The following EYS variants were observed in gnomAD, a reference collection of about 807,000 sequenced individuals.
EYS encodes EGF-like photoreceptor maintenance factor, also known as protein eyes shut homolog.
A neutral mutation model predicts 282.1 loss-of-function variants in EYS; 250 were observed. The observed-to-expected ratio is 0.89, with a 90% confidence interval of 0.80 to 0.98. EYS has a LOEUF of 0.98. Among genes scored for constraint, EYS ranks in the 50% least tolerant of loss-of-function variants. The pLI, the probability that EYS is intolerant of heterozygous loss-of-function variation, is 0.00. For missense variants in EYS, 4,016 were observed against 3,709.0 expected, an observed-to-expected ratio of 1.08 and a Z score of -2.15; for synonymous variants, 1,355 against 1,282.9, an observed-to-expected ratio of 1.06 and a Z score of -1.20.
At chr6:64,624,779 T>C (rs533418303) in intron 23 of EYS, among the ~76,000 whole-genome samples, 45 of 152,288 alleles carry the variant, frequency 3.0e-4, no homozygotes, top group Non-Finnish European at 4.4e-4. Flanking sequence ...ATGGCTATTA[T>C]TTCCGTGGTG....
chr6:64,384,011 G>A (rs2150421603), intron 29 of EYS, among the ~76,000 whole-genome samples: 1 of 152,234 alleles, frequency 6.6e-6, no homozygotes, highest in African/African-American at 2.4e-5. Flanking sequence ...GATAACTGAA[G>A]TGGTTTCTTT....
chr6:63,885,397 A>T (rs759277925), intron 35 of EYS, among the ~76,000 whole-genome samples: 1 of 151,836 alleles, frequency 6.6e-6, no homozygotes, highest in Admixed American at 6.6e-5. Flanking sequence ...TAATTTAAGG[A>T]CTCTTCCAGT....
chr6:64,132,490 C>T (rs891740994), intron 31 of EYS, among the ~76,000 whole-genome samples: 1 of 151,834 alleles, frequency 6.6e-6, no homozygotes, highest in African/African-American at 2.4e-5. Context: ...TGCAAGAGTT[C>T]ATGTGTGCCT....
chr6:64,474,120 A>T (rs1026228645), intron 26 of EYS, among the ~76,000 whole-genome samples: 3 of 152,058 alleles, frequency 2.0e-5, no homozygotes. Context: ...CTTATTTCTA[A>T]CTTTCTCCTC....
Position 64,453,451 on chromosome 6 carries a change from A to G in EYS, c.5645-14099T>C, listed in dbSNP as rs184071262. The stretch of plus-strand genomic sequence containing the variant: ...AACCATTGTGGAAGTCAGTGTGGCG[A>G]TTCCTCAGGGATCTAGAACTGGAAA... On this transcript the variant is annotated intron_variant, in intron 26 of 42. Transcript: ENST00000503581. Among the ~76,000 whole-genome samples the G allele has an allele frequency of 7.5e-4, 114 of 152,306 alleles. 1 individual carries two copies. Among genetic ancestry groups the G allele is most frequent in the African/African-American group, 2.5e-3 (102 of 41,564 alleles).
chr6:64,852,288 G>A (rs1007715467), intron 19 of EYS, among the ~76,000 whole-genome samples: 2 of 152,228 alleles, frequency 1.3e-5, no homozygotes, highest in South Asian at 4.2e-4. Context: ...ATCTGGGTGG[G>A]GACCATGTAA....
intron 22 of EYS, among the ~76,000 whole-genome samples, chr6:64,680,659 A>G (rs886314934): frequency 6.6e-6 from 1 of 152,084 alleles, no homozygotes; most frequent in Non-Finnish European, 1.5e-5. Context: ...TCTACACCCA[A>G]CCCCAACTCA....
At chr6:63,734,699 G>A (rs985908328) in intron 41 of EYS, among the ~76,000 whole-genome samples, 10 of 152,208 alleles carry the variant, frequency 6.6e-5, no homozygotes, top group Admixed American at 6.6e-4. Flanking sequence ...GGATAATGTT[G>A]TCATTAACTG....
intron 5 of EYS, among the ~76,000 whole-genome samples, chr6:65,437,766 C>A (rs1026422161): frequency 1.6e-4 from 24 of 152,190 alleles, no homozygotes; most frequent in Non-Finnish European, 2.4e-4. Flanking sequence ...TTTATGCAAA[C>A]GTTTGATAAA....
intron 13 of EYS, among the ~76,000 whole-genome samples, chr6:65,057,053 TAGAA>T (rs1030134083): frequency 1.3e-5 from 2 of 151,868 alleles, no homozygotes; most frequent in African/African-American, 2.4e-5. Flanking sequence ...TTTCTTAGCT[TAGAA>T]AGAGATACTA....
intron 13 of EYS, among the ~76,000 whole-genome samples, chr6:65,011,848 C>T (rs777729187): frequency 9.2e-5 from 14 of 152,230 alleles, no homozygotes; most frequent in Non-Finnish European, 7.4e-5. Context: ...GAGAGCACAG[C>T]GGGAGGGACA....
At chr6:64,598,127 T>C (rs1013249171) in intron 24 of EYS, among the ~76,000 whole-genome samples, 2 of 152,050 alleles carry the variant, frequency 1.3e-5, no homozygotes, top group East Asian at 3.9e-4. Flanking sequence ...GTCAACAGGA[T>C]CCCTTACCAT....
At position 64,686,777 on chromosome 6, in the gene EYS, A is replaced by ATATATATGTG. The variant is rs1562133736; in HGVS notation, c.3444-60533_3444-60532insCACATATATA. On this transcript the variant is annotated intron_variant, in intron 22 of 42. Coordinates refer to ENST00000503581, the MANE Select transcript of EYS (RefSeq NM_001142800.2). ...TATATATATATGTGTGTATATATAT[A>ATATATATGTG]TATATATATATGTGTGTATATATAT... Among the ~76,000 whole-genome samples, 19 of 21,342 alleles carry ATATATATGTG rather than the reference A, an allele frequency of 8.9e-4. 1 individual carries two copies. Among genetic ancestry groups the ATATATATGTG allele is most frequent in the African/African-American group, 1.6e-3 (17 of 10,554 alleles). The allele number at this position is 21,342 out of a possible 152,430, so 14.0% of individuals were successfully genotyped here. A position where few individuals can be genotyped will look rare whatever the true frequency, so the allele number is the denominator to read the frequency against.
chr6:64,587,253 T>C (rs943520070), intron 26 of EYS, among the ~76,000 whole-genome samples: 1 of 152,044 alleles, frequency 6.6e-6, no homozygotes, highest in Non-Finnish European at 1.5e-5. Context: ...TCTAAAATTA[T>C]AGGCTTGCTA....
chr6:65,265,512 A>C (rs2150261311), intron 12 of EYS, among the ~76,000 whole-genome samples: 1 of 152,122 alleles, frequency 6.6e-6, no homozygotes, highest in East Asian at 1.9e-4. Flanking sequence ...GTCTATTATT[A>C]TATTTTCTTA....
At chr6:65,479,122 T>C (rs1765511590) in intron 5 of EYS, among the ~76,000 whole-genome samples, 1 of 149,596 alleles carries the variant, frequency 6.7e-6, no homozygotes, top group Non-Finnish European at 1.5e-5. Flanking sequence ...CGAAATTATC[T>C]AATCTGTAGA....
intron 13 of EYS, among the ~76,000 whole-genome samples, chr6:65,043,155 T>G (rs1396434880): frequency 2.6e-5 from 4 of 151,624 alleles, no homozygotes; most frequent in Admixed American, 6.6e-5. Flanking sequence ...TATACAAAGT[T>G]CAATGATTAA....
chr6:65,278,310 T>TATATAG (rs1233644555), intron 12 of EYS, among the ~76,000 whole-genome samples: 9 of 41,096 alleles, frequency 2.2e-4, no homozygotes, highest in Admixed American at 1.4e-3. Flanking sequence ...AATTTATATA[T>TATATAG]ATTCTATAGA....
intron 30 of EYS, among the ~76,000 whole-genome samples, chr6:64,306,537 G>C (rs1769451498): frequency 6.6e-6 from 1 of 152,166 alleles, no homozygotes; most frequent in Non-Finnish European, 1.5e-5. Context: ...GTATCCAGAA[G>C]CAGAGTCTGA....
Sources: allele counts gnomAD v4.1 joint callset (sites outside exome capture counted in the v4.1 genomes callset), GRCh38; gene constraint gnomAD v4.1.1; transcripts MANE v1.5; gene names NCBI Gene and HGNC (gene_info 2026-07-23, HGNC 2026-07-21).